NIM1K: variants seen among roughly 807,000 people sequenced by gnomAD.
NIM1K encodes serine/threonine-protein kinase NIM1.
NIM1K carries 35 observed loss-of-function variants against 37.1 expected under a neutral mutation model. The observed-to-expected ratio is 0.94, with a 90% confidence interval of 0.72 to 1.25. The LOEUF is 1.25. NIM1K is among the 50% of genes most tolerant of loss of function. The pLI, the probability that NIM1K is intolerant of heterozygous loss-of-function variation, is 0.00. For missense variants in NIM1K, 564 were observed against 548.0 expected (o/e 1.03, Z -0.29); for synonymous variants, 234 against 206.6 (o/e 1.13, Z -1.14).
intron 1 of NIM1K, among the ~76,000 whole-genome samples, chr5:43,197,481 A>T (rs926447757): frequency 6.6e-6 from 1 of 152,178 alleles, no homozygotes; most frequent in African/African-American, 2.4e-5. Context: ...AATACACCTT[A>T]GTCATTTTTA....
At chr5:43,274,834 C>T (rs893672446) in intron 2 of NIM1K, among the ~76,000 whole-genome samples, 4 of 152,188 alleles carry the variant, frequency 2.6e-5, no homozygotes, top group Admixed American at 2.0e-4. Context: ...TATCCATTTT[C>T]GTTTTAATAG....
intron 2 of NIM1K, among the ~76,000 whole-genome samples, chr5:43,276,058 C>T (rs1399727778): frequency 6.6e-6 from 1 of 151,924 alleles, no homozygotes; most frequent in Admixed American, 6.6e-5. Flanking sequence ...CCGGGTCCAT[C>T]TAATTTTTGT....
intron 1 of NIM1K, among the ~76,000 whole-genome samples, chr5:43,239,571 G>T (rs1188158076): frequency 6.6e-6 from 1 of 151,980 alleles, no homozygotes; most frequent in Non-Finnish European, 1.5e-5. Flanking sequence ...TTGTTTCCCA[G>T]GCTGGAGTAC....
chr5:43,280,179 T>C lies in NIM1K; in HGVS notation c.761T>C (p.Ile254Thr). The C allele has an allele frequency of 4.3e-6, 7 of 1,614,172 alleles. No individual in the cohort carries two copies. The highest frequency in any genetic ancestry group is 5.9e-6 in the Non-Finnish European group (7 of 1,180,010). Residue 254 changes from isoleucine to threonine, a missense_variant, in exon 4 of 4, where the codon ATC becomes ACC. By Grantham distance (89) the Ile-to-Thr change is moderately conservative. Transcript: ENST00000326035. The part of the protein sequence containing the change: ...DEHYIGIYVD[I>T]WALGVLLYFM... Reference sequence around the variant, plus strand: ...CACTACATCGGCATTTACGTGGATATCTGGGCCTTGGGGGTGCTTTTGTAC... The same window carrying C: ...CACTACATCGGCATTTACGTGGATACCTGGGCCTTGGGGGTGCTTTTGTAC...
intron 1 of NIM1K, among the ~76,000 whole-genome samples, chr5:43,195,309 A>T (rs1289028866): frequency 2.6e-5 from 4 of 152,228 alleles, no homozygotes; most frequent in Non-Finnish European, 5.9e-5. Flanking sequence ...AGCCATTATT[A>T]TACAGCATCC....
intron 1 of NIM1K, among the ~76,000 whole-genome samples, chr5:43,227,962 A>G (rs1006463761): frequency 2.0e-5 from 3 of 152,194 alleles, no homozygotes; most frequent in South Asian, 4.1e-4. Flanking sequence ...GACTGGCTCA[A>G]GGTCACAAAG....
chr5:43,258,900 G>A (rs959427965), intron 2 of NIM1K, among the ~76,000 whole-genome samples: 4 of 151,976 alleles, frequency 2.6e-5, no homozygotes, highest in African/African-American at 4.8e-5. Context: ...TACCCAATAC[G>A]TAGTTTTTAA....
intron 2 of NIM1K, among the ~76,000 whole-genome samples, chr5:43,258,271 G>A (rs985762763): frequency 6.6e-6 from 1 of 152,102 alleles, no homozygotes; most frequent in Non-Finnish European, 1.5e-5. Context: ...GTTTTATGTA[G>A]TTCAGATGTT....
chr5:43,256,439 C>A (rs1752948166), intron 2 of NIM1K, among the ~76,000 whole-genome samples: 1 of 152,178 alleles, frequency 6.6e-6, no homozygotes, highest in Admixed American at 6.5e-5. Flanking sequence ...ACAGTTTACA[C>A]TGACTGAAAT....
At chr5:43,267,895 A>G (rs972832624) in intron 2 of NIM1K, among the ~76,000 whole-genome samples, 3 of 152,192 alleles carry the variant, frequency 2.0e-5, no homozygotes, top group African/African-American at 7.2e-5. Flanking sequence ...AATATATTCC[A>G]TGTGCTGATG....
chr5:43,244,189 C>G (rs112399232), intron 1 of NIM1K, among the ~76,000 whole-genome samples: 1 of 152,228 alleles, frequency 6.6e-6, no homozygotes, highest in Admixed American at 6.5e-5. Context: ...ACTTCCAAGG[C>G]AGTCTCTCAT....
chr5:43,226,422 C>T (rs1752458169), intron 1 of NIM1K, among the ~76,000 whole-genome samples: 1 of 151,978 alleles, frequency 6.6e-6, no homozygotes, highest in Non-Finnish European at 1.5e-5. Context: ...GAAGGTAGAG[C>T]CAATGGGATT....
intron 1 of NIM1K, among the ~76,000 whole-genome samples, chr5:43,198,652 T>C (rs1751972009): frequency 6.6e-6 from 1 of 152,204 alleles, no homozygotes; most frequent in Non-Finnish European, 1.5e-5. Context: ...AGCATCTGTT[T>C]AGAGGGGATT....
intron 1 of NIM1K, among the ~76,000 whole-genome samples, chr5:43,215,057 C>G (rs1288305312): frequency 1.3e-5 from 2 of 152,084 alleles, no homozygotes; most frequent in Non-Finnish European, 2.9e-5. Flanking sequence ...AAATAATGTC[C>G]AGTCTCTAGA....
intron 1 of NIM1K, among the ~76,000 whole-genome samples, chr5:43,240,850 CTGAT>C (rs1221546501): frequency 6.6e-6 from 1 of 151,896 alleles, no homozygotes; most frequent in Non-Finnish European, 1.5e-5. Flanking sequence ...TCTTACACTC[CTGAT>C]TATCACTTTA....
In NIM1K at chr5:43,239,340, C is replaced by T. The variant is rs188347633; in HGVS notation, c.-694-5742C>T. ...GCAACCTCAGCTTCCCGGGTTCAAG[C>T]GATTCTCCTGCCTCAGCCTTCTGAG... On this transcript the variant is annotated intron_variant, in intron 1 of 3. Transcript: ENST00000326035. Among the ~76,000 whole-genome samples, 830 of 151,594 alleles carry T rather than the reference C, an allele frequency of 5.5e-3. 23 individuals carry two copies. Among genetic ancestry groups the T allele is most frequent in the African/African-American group, 0.019 (786 of 41,132 alleles).
intron 3 of NIM1K, among the ~76,000 whole-genome samples, 198 bp downstream of exon 3, chr5:43,277,523 C>A (rs534058778): frequency 6.6e-6 from 1 of 152,114 alleles, no homozygotes; most frequent in Non-Finnish European, 1.5e-5. Context: ...TCCAGTTACA[C>A]GTCAACCTCC....
At chr5:43,272,379 C>T (rs1753270989) in intron 2 of NIM1K, among the ~76,000 whole-genome samples, 1 of 152,086 alleles carries the variant, frequency 6.6e-6, no homozygotes, top group South Asian at 2.1e-4. Flanking sequence ...ACTTTTCCCC[C>T]TAAGCCCACT....
intron 2 of NIM1K, among the ~76,000 whole-genome samples, chr5:43,255,535 G>A (rs185799252): frequency 1.3e-5 from 2 of 152,164 alleles, no homozygotes; most frequent in Non-Finnish European, 1.5e-5. Context: ...TGGATTATGA[G>A]ATCAAGAGAT....
Sources: allele counts gnomAD v4.1 joint callset (sites outside exome capture counted in the v4.1 genomes callset), GRCh38; gene constraint gnomAD v4.1.1; transcripts MANE v1.5; gene names NCBI Gene and HGNC (gene_info 2026-07-23, HGNC 2026-07-21).